RYR3: variants seen among roughly 807,000 people sequenced by gnomAD.
RYR3 encodes the protein ryanodine receptor 3.
Under a neutral mutation model 584.3 loss-of-function variants are expected in RYR3, and 207 were observed. The observed-to-expected ratio is 0.35, with a 90% CI of 0.32 to 0.40. The LOEUF (loss-of-function observed/expected upper bound fraction) is 0.40. RYR3 is among the 10% of genes least tolerant of loss of function. RYR3 has a pLI of 1.00. For missense variants in RYR3, 5,616 were observed against 6,089.2 expected (o/e 0.92, Z 2.59); for synonymous variants, 2,416 against 2,248.5 (o/e 1.07, Z -2.11).
chr15:33,817,976 T>G (rs2076907538), intron 75 of RYR3, among the ~76,000 whole-genome samples: 1 of 152,186 alleles, frequency 6.6e-6, no homozygotes, highest in Admixed American at 6.5e-5. Flanking sequence ...AGAAAAGACC[T>G]GATAAAAGGA....
chr15:33,531,310 T>A (rs1207664717), intron 4 of RYR3, among the ~76,000 whole-genome samples: 2 of 152,030 alleles, frequency 1.3e-5, no homozygotes, highest in Non-Finnish European at 2.9e-5. Context: ...ACATTTTAAA[T>A]ATAATTTATT....
chr15:33,399,012 C>G (rs1233653527), intron 1 of RYR3, among the ~76,000 whole-genome samples: 2 of 152,064 alleles, frequency 1.3e-5, no homozygotes, highest in Non-Finnish European at 2.9e-5. Context: ...AGATGTTAAT[C>G]CAGAATCCTG....
At chr15:33,572,389 G>T (rs1841782426) in intron 12 of RYR3, among the ~76,000 whole-genome samples, 1 of 151,906 alleles carries the variant, frequency 6.6e-6, no homozygotes, top group African/African-American at 2.4e-5. Context: ...CTGTGTGTGT[G>T]GGCTGAATGA....
At chr15:33,475,424 G>T (rs907643211) in intron 2 of RYR3, among the ~76,000 whole-genome samples, 1 of 152,116 alleles carries the variant, frequency 6.6e-6, no homozygotes, top group South Asian at 2.1e-4. Flanking sequence ...AGATCATCGG[G>T]CATTAGATTC....
Position 33,695,986 on chromosome 15 carries a change from G to T in RYR3, c.5861-232G>T, listed in dbSNP as rs575613750. Among the ~76,000 whole-genome samples, 3 of 140,602 alleles carry T rather than the reference G, an allele frequency of 2.1e-5. No individual in the cohort carries two copies. The South Asian group carries it at 6.9e-4, about 32-fold the overall frequency. 92.2% of individuals were successfully genotyped at this position (140,602 alleles called of 152,430 possible). A position where few individuals can be genotyped will look rare whatever the true frequency, so the allele number is the denominator to read the frequency against. ...TTTTTTTTTTTTTTGGTAGCAACAG[G>T]GTCTCGCTTTGTGGCCCAGGCTGGT... On this transcript the variant is annotated intron_variant, in intron 38 of 103. Transcript: ENST00000634891.
In RYR3 at chr15:33,695,542, C is replaced by G. The variant is rs998028418; in HGVS notation, c.5861-676C>G. Among the ~76,000 whole-genome samples, 5 of 152,106 alleles carry G rather than the reference C, an allele frequency of 3.3e-5. No homozygotes were observed. The East Asian group carries it at 9.7e-4, about 29-fold the overall frequency. Reference sequence around the variant, plus strand: ...AGATGCAGTGTCAGCTGACTCTTGCCAAAGATCCAGTGCAAAAAAAGGCTG... The same window carrying G: ...AGATGCAGTGTCAGCTGACTCTTGCGAAAGATCCAGTGCAAAAAAAGGCTG... On this transcript the variant is annotated intron_variant, in intron 38 of 103. Coordinates refer to ENST00000634891, the MANE Select transcript of RYR3 (RefSeq NM_001036.6).
At chr15:33,473,300 AC>A (rs1339738989) in intron 1 of RYR3, 118 bp from the exon 2 acceptor site, 1 of 1,202,400 alleles carries the variant, frequency 8.3e-7, no homozygotes, top group Non-Finnish European at 1.2e-6. Context: ...AAAAATAAAA[AC>A]AAAAAGCACG....
chr15:33,478,948 A>G (rs555007135), intron 2 of RYR3, among the ~76,000 whole-genome samples: 2 of 152,370 alleles, frequency 1.3e-5, no homozygotes, highest in African/African-American at 4.8e-5. Flanking sequence ...TGGCATGTCT[A>G]AAGTCTTGAG....
chr15:33,684,880 T>C (rs192168602), intron 38 of RYR3, among the ~76,000 whole-genome samples: 2 of 152,242 alleles, frequency 1.3e-5, no homozygotes, highest in African/African-American at 4.8e-5. Context: ...AAATCCTTTA[T>C]AGACAAGGAA....
Position 33,728,877 on chromosome 15 carries a change from G to C in RYR3, c.7054G>C (p.Asp2352His). The change falls in exon 47 of 104, where the codon GAT (aspartate) becomes CAT (histidine). Residue 2352 changes from aspartate to histidine, a missense_variant. Coordinates refer to ENST00000634891, the MANE Select transcript of RYR3 (RefSeq NM_001036.6). ...TTCAGATGGGTCGGTCAGTGAGCCA[G>C]ATATGGCGGCCAATTTCTGCCCTGA... ...LNKDGSVSEP[D>H]MAANFCPDHK... 1.2e-6 allele frequency: 2 copies of C among 1,612,742 alleles called. No individual in the cohort carries two copies. Among genetic ancestry groups the C allele is most frequent in the South Asian group, 2.2e-5 (2 of 90,526 alleles).
At chr15:33,798,081 G>A (rs200771100) in intron 67 of RYR3, among the ~76,000 whole-genome samples, 1 of 87,822 alleles carries the variant, frequency 1.1e-5, no homozygotes, top group Non-Finnish European at 2.2e-5. Flanking sequence ...TTGTCTGTCT[G>A]TCTTTTATTT....
At chr15:33,646,236 C>A in intron 28 of RYR3, 115 bp from the exon 29 acceptor site, 1 of 862,884 alleles carries the variant, frequency 1.2e-6, no homozygotes, top group Non-Finnish European at 1.8e-6. Flanking sequence ...CTGGACACAA[C>A]TTACTTCTGT....
At chr15:33,745,316 C>T (rs950003715) in intron 52 of RYR3, among the ~76,000 whole-genome samples, 5 of 151,376 alleles carry the variant, frequency 3.3e-5, no homozygotes, top group African/African-American at 9.7e-5. Flanking sequence ...GCTGGAAGTA[C>T]TGATTTGATA....
intron 27 of RYR3, among the ~76,000 whole-genome samples, chr15:33,638,383 G>T (rs1167331526): frequency 6.6e-6 from 1 of 152,194 alleles, no homozygotes; most frequent in Non-Finnish European, 1.5e-5. Flanking sequence ...TCCAAAGAAA[G>T]TCATTCTCTG....
At chr15:33,770,376 A>ATTTTG (rs936584372) in intron 62 of RYR3, among the ~76,000 whole-genome samples, 130 of 152,188 alleles carry the variant, frequency 8.5e-4, no homozygotes, top group Non-Finnish European at 1.3e-3. Context: ...TGTTTGTTTT[A>ATTTTG]TTTTGTTTTG....
At chr15:33,845,635 A>T (rs1248116556) in intron 93 of RYR3, among the ~76,000 whole-genome samples, 1 of 152,174 alleles carries the variant, frequency 6.6e-6, no homozygotes, top group East Asian at 1.9e-4. Context: ...AGAAGCCTTG[A>T]GCTAGGAGTC....
At chr15:33,803,645 G>C (rs1037646842) in intron 69 of RYR3, among the ~76,000 whole-genome samples, 4 of 152,104 alleles carry the variant, frequency 2.6e-5, no homozygotes, top group Admixed American at 6.6e-5. Flanking sequence ...CCTCCCAAAA[G>C]CTGGAGCTAC....
chr15:33,859,616 T>C lies in RYR3; in HGVS notation c.14184T>C (p.Gly4728=), dbSNP rs562542953. 5.0e-6 allele frequency: 8 copies of C among 1,614,024 alleles called. No homozygotes were observed. The East Asian group carries it at 8.9e-5, about 18-fold the overall frequency. Residue 4728 remains glycine, a synonymous_variant, in exon 100 of 104, where the codon GGT becomes GGC. Coordinates refer to ENST00000634891, the MANE Select transcript of RYR3 (RefSeq NM_001036.6). ...FHMYVGVRAG[G]GIGDEIEDPA... ...TGTACGTGGGAGTGAGAGCAGGAGG[T>C]GGCATTGGTGATGAAATTGAAGACC...
At chr15:33,596,623 A>C (rs1233869150) in intron 16 of RYR3, among the ~76,000 whole-genome samples, 1 of 152,174 alleles carries the variant, frequency 6.6e-6, no homozygotes, top group Non-Finnish European at 1.5e-5. Context: ...AGATCAGGGT[A>C]ATTAGCATGT....
Sources: allele counts gnomAD v4.1 joint callset (sites outside exome capture counted in the v4.1 genomes callset), GRCh38; gene constraint gnomAD v4.1.1; transcripts MANE v1.5; gene names NCBI Gene and HGNC (gene_info 2026-07-23, HGNC 2026-07-21).